Variants in CTNNA2 observed in about 807,000 individuals in gnomAD.
The protein encoded by CTNNA2 is catenin alpha-2.
A neutral mutation model predicts 101.0 loss-of-function variants in CTNNA2; 42 were observed. The observed-to-expected ratio is 0.42, with a 90% CI of 0.32 to 0.54. CTNNA2 has a LOEUF of 0.54. Among genes scored for constraint, CTNNA2 ranks in the 20% least tolerant of loss-of-function variants. The probability of loss-of-function intolerance (pLI) is 0.14; values close to 1 mark genes in which losing one functional copy is unlikely to be tolerated. For missense variants in CTNNA2, 871 were observed against 1,223.1 expected (o/e 0.71, Z 4.29); for synonymous variants, 450 against 456.4 (o/e 0.99, Z 0.18).
chr2:80,420,676 G>A (rs942527092), intron 9 of CTNNA2, among the ~76,000 whole-genome samples: 1 of 151,990 alleles, frequency 6.6e-6, no homozygotes, highest in Non-Finnish European at 1.5e-5. Context: ...CGATTTAGTT[G>A]CATGCTAAGC....
intron 3 of CTNNA2, 111 bp downstream of exon 3, chr2:79,744,693 T>TAATGATACGGCGA: frequency 9.8e-7 from 1 of 1,022,800 alleles, no homozygotes; most frequent in Non-Finnish European, 1.4e-6. Flanking sequence ...TACGTTTTTT[T>TAATGATACGGCGA]CCTTTCTATC....
At chr2:79,461,711 A>G (rs1238275277) in intron 4 of CTNNA2, among the ~76,000 whole-genome samples, 1 of 152,164 alleles carries the variant, frequency 6.6e-6, no homozygotes, top group African/African-American at 2.4e-5. Flanking sequence ...ATCAATGGTC[A>G]CAAGTTAACA....
chr2:79,495,169 T>C (rs1488854749), intron 4 of CTNNA2, among the ~76,000 whole-genome samples: 1 of 151,926 alleles, frequency 6.6e-6, no homozygotes, highest in Non-Finnish European at 1.5e-5. Context: ...AATGACACCA[T>C]AGAAGGAAAA....
Position 79,852,449 on chromosome 2 carries a change from C to G in CTNNA2, c.299-5564C>G, listed in dbSNP as rs981953233. On this transcript the variant is annotated intron_variant, in intron 3 of 18. Transcript: ENST00000402739. ...TGCTCTTATTCTGGCTGTTTCATTA[C>G]ATTTGCTCTGTGGTTTGCCTTTTTC... 1.3e-5 allele frequency among the ~76,000 whole-genome samples: 2 copies of G among 152,212 alleles called. 1 individual carries two copies. Among genetic ancestry groups the G allele is most frequent in the African/African-American group, 4.8e-5 (2 of 41,462 alleles).
At chr2:79,383,273 G>T (rs944435303) in intron 4 of CTNNA2, among the ~76,000 whole-genome samples, 13 of 152,160 alleles carry the variant, frequency 8.5e-5, no homozygotes, top group African/African-American at 2.9e-4. Flanking sequence ...CAACTTAGGA[G>T]TACATGGCAA....
chr2:79,348,383 A>G (rs1030393069), intron 3 of CTNNA2, among the ~76,000 whole-genome samples: 6 of 152,200 alleles, frequency 3.9e-5, no homozygotes, highest in East Asian at 1.9e-4. Context: ...TGATCTCAGT[A>G]CCTGGTTCTA....
At chr2:80,406,743 C>G (rs1255152555) in intron 8 of CTNNA2, among the ~76,000 whole-genome samples, 1 of 144,392 alleles carries the variant, frequency 6.9e-6, no homozygotes, top group South Asian at 2.2e-4. Flanking sequence ...AGGAGAATGG[C>G]GTGAACCCGG....
chr2:79,805,270 T>C (rs1676478195), intron 3 of CTNNA2, among the ~76,000 whole-genome samples: 1 of 152,196 alleles, frequency 6.6e-6, no homozygotes, highest in Non-Finnish European at 1.5e-5. Flanking sequence ...TTGAAATATT[T>C]GCATTATATA....
intron 4 of CTNNA2, among the ~76,000 whole-genome samples, chr2:79,391,759 T>A (rs1201072414): frequency 4.6e-5 from 7 of 152,192 alleles, no homozygotes; most frequent in African/African-American, 1.4e-4. Context: ...CTGATTGTCC[T>A]TCATATAAGT....
rs540367612 is a variant in CTNNA2, at chr2:80,527,567, T to C, written c.1291-17415T>C. Among the ~76,000 whole-genome samples, 4 of 152,316 alleles carry C rather than the reference T, an allele frequency of 2.6e-5. 2 individuals carry two copies. The highest frequency in any genetic ancestry group is 9.6e-5 in the African/African-American group (4 of 41,582). On this transcript the variant is annotated intron_variant, in intron 9 of 18. Coordinates refer to ENST00000402739, the MANE Select transcript of CTNNA2 (RefSeq NM_001282597.3). ...GGGAGTCTTTTAGAAACAGGAATTG[T>C]CAGGCCCATTGCAGAGCTCTGGAAT...
intron 7 of CTNNA2, among the ~76,000 whole-genome samples, chr2:80,228,603 A>G (rs916078486): frequency 1.3e-5 from 2 of 152,142 alleles, no homozygotes; most frequent in African/African-American, 4.8e-5. Flanking sequence ...CTTCCCTTTG[A>G]GGTGTTTCTT....
intron 7 of CTNNA2, among the ~76,000 whole-genome samples, chr2:80,106,375 A>G (rs1190967803): frequency 6.6e-6 from 1 of 152,168 alleles, no homozygotes; most frequent in Non-Finnish European, 1.5e-5. Flanking sequence ...CAACGTTACA[A>G]GTGGATACAT....
intron 1 of CTNNA2, among the ~76,000 whole-genome samples, chr2:79,546,896 A>G (rs1673766017): frequency 6.6e-6 from 1 of 152,214 alleles, no homozygotes; most frequent in Non-Finnish European, 1.5e-5. Flanking sequence ...CAACTTGCCT[A>G]TGTAATGATT....
At chr2:79,688,202 C>G (rs901777783) in intron 2 of CTNNA2, among the ~76,000 whole-genome samples, 5 of 151,954 alleles carry the variant, frequency 3.3e-5, no homozygotes, top group Non-Finnish European at 7.4e-5. Flanking sequence ...TAAATAATTT[C>G]CACAGGTGTA....
At chr2:80,192,246 T>A (rs1444226904) in intron 7 of CTNNA2, among the ~76,000 whole-genome samples, 1 of 152,210 alleles carries the variant, frequency 6.6e-6, no homozygotes, top group Non-Finnish European at 1.5e-5. Context: ...TCAAATGTAA[T>A]CTAACTACGT....
At chr2:80,457,215 C>T (rs1051651866) in intron 9 of CTNNA2, among the ~76,000 whole-genome samples, 2 of 151,950 alleles carry the variant, frequency 1.3e-5, no homozygotes, top group Non-Finnish European at 2.9e-5. Context: ...AGGTGCCCAC[C>T]ACCGCACCCA....
At chr2:80,424,538 A>G (rs1408798657) in intron 9 of CTNNA2, among the ~76,000 whole-genome samples, 1 of 152,182 alleles carries the variant, frequency 6.6e-6, no homozygotes, top group African/African-American at 2.4e-5. Flanking sequence ...TTCTCCTTCC[A>G]GAGAGGATTC....
At chr2:80,141,124 G>A (rs1335734303) in intron 7 of CTNNA2, among the ~76,000 whole-genome samples, 2 of 151,926 alleles carry the variant, frequency 1.3e-5, no homozygotes, top group Non-Finnish European at 2.9e-5. Flanking sequence ...TTCTTCTTAG[G>A]ACCGCTCCAT....
intron 18 of CTNNA2, among the ~76,000 whole-genome samples, chr2:80,628,177 G>C (rs1035454253): frequency 1.3e-5 from 2 of 152,020 alleles, no homozygotes; most frequent in Non-Finnish European, 2.9e-5. Flanking sequence ...TTGTGAAAAT[G>C]GCCATCATGC....
Sources: gnomAD v4.1 joint callset for allele counts (sites outside exome capture counted in the v4.1 genomes callset) on GRCh38, gnomAD v4.1.1 for gene constraint, MANE v1.5 for transcripts, NCBI Gene and HGNC (gene_info 2026-07-23, HGNC 2026-07-21) for gene names.